GRHL2: variants seen among roughly 807,000 people sequenced by gnomAD.
GRHL2 encodes the protein grainyhead-like protein 2 homolog.
GRHL2 carries 21 observed loss-of-function variants against 83.8 expected under a neutral mutation model. That is an observed-to-expected ratio of 0.25 (90% confidence interval 0.18 to 0.36). The LOEUF (loss-of-function observed/expected upper bound fraction) is 0.36, where lower values mean the gene tolerates loss of function less well. GRHL2 is among the 10% of genes least tolerant of loss of function. GRHL2 has a pLI of 1.00. For synonymous variants in GRHL2, 280 were observed against 278.9 expected (o/e 1.00, Z -0.04); for missense variants, 623 against 781.8 (o/e 0.80, Z 2.42).
At chr8:101,650,637 G>A (rs1039923029) in intron 14 of GRHL2, among the ~76,000 whole-genome samples, 2 of 152,078 alleles carry the variant, frequency 1.3e-5, no homozygotes, top group African/African-American at 4.8e-5. Context: ...GCAAGTTAGT[G>A]GTTGCCAGGG....
At chr8:101,569,737 C>A (rs753607569) in intron 4 of GRHL2, among the ~76,000 whole-genome samples, 3 of 152,152 alleles carry the variant, frequency 2.0e-5, no homozygotes, top group Non-Finnish European at 4.4e-5. Flanking sequence ...TCCCAAAGTG[C>A]GGGATTACAG....
intron 1 of GRHL2, among the ~76,000 whole-genome samples, chr8:101,519,405 C>T (rs544142399): frequency 4.7e-5 from 1 of 21,126 alleles, no homozygotes; most frequent in Admixed American, 8.9e-4. Flanking sequence ...TCACTTATTA[C>T]TTGAATTTTT....
chr8:101,606,994 G>T (rs891289694), intron 8 of GRHL2, among the ~76,000 whole-genome samples: 5 of 152,196 alleles, frequency 3.3e-5, no homozygotes, highest in African/African-American at 1.2e-4. Context: ...AAATTATTCA[G>T]TCTCTTTGGG....
intron 14 of GRHL2, among the ~76,000 whole-genome samples, chr8:101,656,784 T>C (rs565497761): frequency 2.0e-5 from 3 of 152,300 alleles, no homozygotes; most frequent in African/African-American, 7.2e-5. Flanking sequence ...GTGCTTAAAG[T>C]AACACACAGA....
chr8:101,546,643 T>C (rs1320380726), intron 2 of GRHL2, among the ~76,000 whole-genome samples: 1 of 152,154 alleles, frequency 6.6e-6, no homozygotes, highest in African/African-American at 2.4e-5. Flanking sequence ...CTTGAACTCC[T>C]GGCTTCGAGT....
At chr8:101,574,798 TAAC>T (rs1478254326) in intron 6 of GRHL2, among the ~76,000 whole-genome samples, 2 of 152,180 alleles carry the variant, frequency 1.3e-5, no homozygotes, top group African/African-American at 4.8e-5. Context: ...ACAATAATAA[TAAC>T]AAGAGTCATA....
Position 101,561,507 on chromosome 8 carries a change from T to C in GRHL2, c.678+2695T>C, listed in dbSNP as rs190134721. ...CATAATTAGGCTTCATCAAACAATG[T>C]CATTATGCTCTTCTAAGATGCAAAT... is the stretch of plus-strand genomic sequence containing the variant. On this transcript the variant is annotated intron_variant, in intron 4 of 15. Transcript: ENST00000646743. 1.5e-3 allele frequency among the ~76,000 whole-genome samples: 233 copies of C among 152,326 alleles called. 3 individuals carry two copies. Among genetic ancestry groups the C allele is most frequent in the Admixed American group, 0.012 (186 of 15,300 alleles).
intron 14 of GRHL2, among the ~76,000 whole-genome samples, chr8:101,653,257 G>A (rs1488527333): frequency 2.0e-5 from 3 of 152,158 alleles, no homozygotes; most frequent in Non-Finnish European, 4.4e-5. Flanking sequence ...GGGGCTTATA[G>A]TTTTTAACAG....
rs1365012459 is a variant in GRHL2 at position 101,612,508 on chromosome 8, GATAGATAGATAGATAC to G, written c.1099-7027_1099-7012del. Among the ~76,000 whole-genome samples, 46 of 128,648 alleles carry G rather than the reference GATAGATAGATAGATAC, an allele frequency of 3.6e-4. No individual in the cohort carries two copies. The South Asian group carries it at 3.8e-3, about 11-fold the overall frequency. The allele number at this position is 128,648 out of a possible 152,430, so 84.4% of individuals were successfully genotyped here. On this transcript the variant is annotated intron_variant, in intron 8 of 15. Coordinates refer to ENST00000646743, the MANE Select transcript of GRHL2 (RefSeq NM_024915.4). ...AGATAGATAGATAGATAGATAGATA[GATAGATAGATAGATAC>G]ATACATACATACATACATACATACA...
chr8:101,511,217 G>A (rs1810457724), intron 1 of GRHL2, among the ~76,000 whole-genome samples: 2 of 152,128 alleles, frequency 1.3e-5, no homozygotes, highest in Admixed American at 6.5e-5. Context: ...TTTTTGGGTT[G>A]CATGATATTT....
chr8:101,641,181 A>T (rs929152690), intron 12 of GRHL2, among the ~76,000 whole-genome samples: 4 of 152,180 alleles, frequency 2.6e-5, no homozygotes, highest in African/African-American at 9.7e-5. Flanking sequence ...TTAAACTAGC[A>T]TTGATTAAAA....
Position 101,612,511 on chromosome 8 carries a change from A to T in GRHL2, c.1099-7028A>T. ...TAGATAGATAGATAGATAGATAGAT[A>T]GATAGATAGATACATACATACATAC... is the stretch of plus-strand genomic sequence containing the variant. On this transcript the variant is annotated intron_variant, in intron 8 of 15. Coordinates refer to ENST00000646743, the MANE Select transcript of GRHL2 (RefSeq NM_024915.4). 1.5e-5 allele frequency among the ~76,000 whole-genome samples: 2 copies of T among 132,780 alleles called. 1 individual carries two copies. Among genetic ancestry groups the T allele is most frequent in the African/African-American group, 6.3e-5 (2 of 31,884 alleles). 87.1% of individuals were successfully genotyped at this position (132,780 alleles called of 152,430 possible).
chr8:101,604,598 G>C (rs1812592009), intron 8 of GRHL2, among the ~76,000 whole-genome samples: 1 of 151,878 alleles, frequency 6.6e-6, no homozygotes, highest in Non-Finnish European at 1.5e-5. Context: ...TTTCCTTTTT[G>C]GATCTTTTCA....
chr8:101,571,875 T>C (rs1419968239), intron 5 of GRHL2, among the ~76,000 whole-genome samples: 4 of 152,150 alleles, frequency 2.6e-5, no homozygotes, highest in African/African-American at 7.2e-5. Flanking sequence ...TTGCGTGCTG[T>C]AAATCCAAAG....
chr8:101,550,158 T>C (rs559454866), intron 2 of GRHL2, among the ~76,000 whole-genome samples: 2 of 134,946 alleles, frequency 1.5e-5, no homozygotes, highest in Admixed American at 1.5e-4. Context: ...TACTTTAAGT[T>C]CTGGGATACA....
At chr8:101,674,618 C>T (rs1166046805), downstream of GRHL2, among the ~76,000 whole-genome samples, 1 of 152,158 alleles carries the variant, frequency 6.6e-6, no homozygotes, top group East Asian at 1.9e-4. Flanking sequence ...TAGCCGAATT[C>T]TACCAGAGGT....
At chr8:101,625,246 C>A (rs755865436) in intron 9 of GRHL2, among the ~76,000 whole-genome samples, 5 of 151,952 alleles carry the variant, frequency 3.3e-5, no homozygotes, top group Non-Finnish European at 7.4e-5. Flanking sequence ...AGGAACCTGG[C>A]AATCCATTCA....
intron 1 of GRHL2, among the ~76,000 whole-genome samples, chr8:101,510,888 A>T (rs1412310094): frequency 6.6e-6 from 1 of 152,112 alleles, no homozygotes; most frequent in Non-Finnish European, 1.5e-5. Context: ...TGAGGCCAGG[A>T]GTTTGAGGCC....
In GRHL2 at chr8:101,652,559, TG is replaced by T. The variant is rs1444432253; in HGVS notation, c.1698+3062del. ...TGTGTGTGTGTGTGGTGTGTATGTG[TG>T]GTGGTGTGTGTGTGGTGTGTGTGGT... On this transcript the variant is annotated intron_variant, in intron 14 of 15. Transcript: ENST00000646743. 1.0e-3 allele frequency among the ~76,000 whole-genome samples: 54 copies of T among 53,082 alleles called. No individual in the cohort carries two copies. In the East Asian group the frequency reaches 0.019, roughly 19 times the overall value. The allele number at this position is 53,082 out of a possible 152,430, so 34.8% of individuals were successfully genotyped here.
Sources: allele counts gnomAD v4.1 joint callset (sites outside exome capture counted in the v4.1 genomes callset), GRCh38; gene constraint gnomAD v4.1.1; transcripts MANE v1.5; gene names NCBI Gene and HGNC (gene_info 2026-07-23, HGNC 2026-07-21).